PIK3C2G: variants seen among roughly 807,000 people sequenced by gnomAD.
PIK3C2G encodes the protein phosphatidylinositol-4-phosphate 3-kinase catalytic subunit type 2 gamma.
PIK3C2G carries 168 observed loss-of-function variants against 181.1 expected under a neutral mutation model. The ratio of observed to expected loss-of-function variants is 0.93; its 90% confidence interval spans 0.82 to 1.05. The LOEUF (loss-of-function observed/expected upper bound fraction) is 1.05, where lower values mean the gene tolerates loss of function less well. Ranked by LOEUF, PIK3C2G falls within the 50% of genes least tolerant of loss-of-function variation. PIK3C2G has a pLI of 0.00. For missense variants in PIK3C2G, 1,869 were observed against 1,732.8 expected (o/e 1.08, Z -1.40); for synonymous variants, 573 against 592.2 (o/e 0.97, Z 0.47).
chr12:18,361,560 C>G (rs1328582223), intron 11 of PIK3C2G, among the ~76,000 whole-genome samples: 1 of 151,934 alleles, frequency 6.6e-6, no homozygotes, highest in African/African-American at 2.4e-5. Flanking sequence ...AAAAATAAGC[C>G]TTGCTAGAGA....
At chr12:18,699,800 AT>A in the PIK3C2G span, 1 of 1,613,362 alleles carries the variant, frequency 6.2e-7, no homozygotes, top group Non-Finnish European at 8.5e-7. Context: ...TTACCTCGCA[AT>A]TTTGAAAGTT....
At chr12:18,432,713 A>G (rs1946228049) in intron 18 of PIK3C2G, among the ~76,000 whole-genome samples, 1 of 152,218 alleles carries the variant, frequency 6.6e-6, no homozygotes, top group South Asian at 2.1e-4. Flanking sequence ...ACAGATATTC[A>G]TAGAGTTACA....
At chr12:18,501,923 A>G (rs1941516197) in intron 22 of PIK3C2G, among the ~76,000 whole-genome samples, 1 of 152,206 alleles carries the variant, frequency 6.6e-6, no homozygotes, top group Non-Finnish European at 1.5e-5. Flanking sequence ...CTCAGCAACC[A>G]TGTAGAAAGT....
chr12:18,552,323 T>C (rs1944776778), intron 26 of PIK3C2G, among the ~76,000 whole-genome samples: 1 of 152,178 alleles, frequency 6.6e-6, no homozygotes, highest in Admixed American at 6.5e-5. Context: ...AATGATTTTA[T>C]ATCTTTTTTC....
At chr12:18,594,186 A>G (rs1342750305) in intron 29 of PIK3C2G, among the ~76,000 whole-genome samples, 1 of 151,918 alleles carries the variant, frequency 6.6e-6, no homozygotes, top group African/African-American at 2.4e-5. Context: ...TTGAGATGTG[A>G]AATGCATGCA....
At position 18,520,002 on chromosome 12, in the gene PIK3C2G, TAAA is replaced by T. The variant is rs889312316; in HGVS notation, c.3323+14563_3323+14565del. Among the ~76,000 whole-genome samples the T allele has an allele frequency of 1.7e-4, 8 of 46,324 alleles. No homozygotes were observed. The East Asian group carries it at 3.6e-3, about 21-fold the overall frequency. The allele number at this position is 46,324 out of a possible 152,430, so 30.4% of individuals were successfully genotyped here. A position where few individuals can be genotyped will look rare whatever the true frequency, so the allele number is the denominator to read the frequency against. On this transcript the variant is annotated intron_variant, in intron 24 of 32. Transcript: ENST00000538779. ...ACACCCAAGAATGATCAATAAATAC[TAAA>T]AAAAAAAAAAAAAAAAAAAAAGAAT...
chr12:18,611,147 A>G (rs1206076921), intron 31 of PIK3C2G, among the ~76,000 whole-genome samples: 1 of 152,116 alleles, frequency 6.6e-6, no homozygotes, highest in Non-Finnish European at 1.5e-5. Flanking sequence ...AAGATCTTCA[A>G]AGTGAATGTC....
At chr12:18,501,998 A>C (rs1378130149) in intron 22 of PIK3C2G, among the ~76,000 whole-genome samples, 2 of 152,208 alleles carry the variant, frequency 1.3e-5, no homozygotes, top group Admixed American at 6.5e-5. Flanking sequence ...TTCAGGATTA[A>C]AAAGCATCAC....
chr12:18,407,720 T>G (rs60691802), intron 16 of PIK3C2G, among the ~76,000 whole-genome samples: 16,946 of 152,070 alleles, frequency 0.11, 1,286 homozygotes, highest in Admixed American at 0.27. Flanking sequence ...CTTCCTTAAG[T>G]AAGTTATATT....
chr12:18,364,314 G>C (rs1941483347), intron 12 of PIK3C2G, among the ~76,000 whole-genome samples: 1 of 152,080 alleles, frequency 6.6e-6, no homozygotes, highest in Non-Finnish European at 1.5e-5. Context: ...TTGCCCATCT[G>C]GGAAACACAT....
chr12:18,300,826 G>T (rs139378582), intron 5 of PIK3C2G, among the ~76,000 whole-genome samples: 1 of 152,118 alleles, frequency 6.6e-6, no homozygotes, highest in African/African-American at 2.4e-5. Flanking sequence ...CATGATGATA[G>T]ATATTGTTTT....
intron 1 of PIK3C2G, among the ~76,000 whole-genome samples, chr12:18,249,505 A>G (rs1213258389): frequency 1.3e-5 from 2 of 152,132 alleles, no homozygotes; most frequent in Non-Finnish European, 2.9e-5. Context: ...TAATCCATAA[A>G]CCATGTTTCA....
chr12:18,565,899 CA>C (rs1443868242), intron 28 of PIK3C2G, among the ~76,000 whole-genome samples: 6 of 151,902 alleles, frequency 3.9e-5, no homozygotes, highest in African/African-American at 1.5e-4. Flanking sequence ...TCATTTCTCC[CA>C]AAAAAACTAT....
intron 17 of PIK3C2G, 87 bp downstream of exon 17, chr12:18,421,121 A>G: frequency 1.5e-6 from 1 of 665,484 alleles, no homozygotes; most frequent in Admixed American, 2.7e-5. Context: ...TAGTCTATCT[A>G]GAAGTGACAT....
chr12:18,399,442 A>AT (rs1348098496), intron 15 of PIK3C2G, among the ~76,000 whole-genome samples: 12 of 151,526 alleles, frequency 7.9e-5, no homozygotes, highest in Non-Finnish European at 1.6e-4. Context: ...AATTGATGTT[A>AT]TTTTTTTCAA....
rs548780829 is a variant in PIK3C2G at position 18,323,261 on chromosome 12, CA to C, written c.1209-1773del. ...AAGGGTAGAGGAAACATGTCTGGGACAGCCTAGCTTCAGACTTTACTCCTCC... is the reference window on the plus strand; with the variant it reads ...AAGGGTAGAGGAAACATGTCTGGGACGCCTAGCTTCAGACTTTACTCCTCC... On this transcript the variant is annotated intron_variant, in intron 7 of 32. Transcript: ENST00000538779. 9.0e-4 allele frequency among the ~76,000 whole-genome samples: 137 copies of C among 152,302 alleles called. 1 individual carries two copies. Among genetic ancestry groups the C allele is most frequent in the African/African-American group, 3.2e-3 (132 of 41,572 alleles).
intron 5 of PIK3C2G, among the ~76,000 whole-genome samples, chr12:18,302,556 C>A (rs12370904): frequency 6.6e-6 from 1 of 152,064 alleles, no homozygotes; most frequent in South Asian, 2.1e-4. Context: ...GCCTGTTTTG[C>A]AGCTCCCTGA....
intron 30 of PIK3C2G, chr12:18,607,202 A>G: frequency 1.9e-6 from 1 of 515,328 alleles, no homozygotes; most frequent in Non-Finnish European, 3.9e-6. Context: ...ATAGACAAAA[A>G]TGGTTAACAA....
chr12:18,360,687 T>G (rs2137787942), intron 11 of PIK3C2G, among the ~76,000 whole-genome samples: 1 of 152,334 alleles, frequency 6.6e-6, no homozygotes, highest in South Asian at 2.1e-4. Flanking sequence ...AATATATTAT[T>G]TCTCTCCCTT....
Sources: allele counts gnomAD v4.1 joint callset (sites outside exome capture counted in the v4.1 genomes callset), GRCh38; gene constraint gnomAD v4.1.1; transcripts MANE v1.5; gene names NCBI Gene and HGNC (gene_info 2026-07-23, HGNC 2026-07-21).